MYO16: variants seen among roughly 807,000 people sequenced by gnomAD.
The protein encoded by MYO16 is unconventional myosin-XVI.
Under a neutral mutation model 205.3 loss-of-function variants are expected in MYO16, and 94 were observed. The ratio of observed to expected loss-of-function variants is 0.46; its 90% confidence interval spans 0.39 to 0.54. The LOEUF is 0.54. MYO16 is among the 20% of genes least tolerant of loss of function. The probability of loss-of-function intolerance (pLI) is 0.00; values close to 1 mark genes in which losing one functional copy is unlikely to be tolerated. For missense variants in MYO16, 2,315 were observed against 2,387.5 expected (o/e 0.97, Z 0.63); for synonymous variants, 988 against 954.0 (o/e 1.04, Z -0.66).
intron 16 of MYO16, among the ~76,000 whole-genome samples, chr13:108,933,567 A>G (rs1282016344): frequency 1.3e-5 from 2 of 152,006 alleles, no homozygotes; most frequent in African/African-American, 4.8e-5. Flanking sequence ...ACCCCAGGAA[A>G]TAGATCTTAC....
At chr13:108,863,644 A>G (rs970287709) in intron 11 of MYO16, among the ~76,000 whole-genome samples, 17 of 151,994 alleles carry the variant, frequency 1.1e-4, no homozygotes, top group African/African-American at 3.4e-4. Context: ...TCAGCCTGTA[A>G]TTTTCCTTTA....
chr13:108,901,949 G>C (rs569097214), intron 15 of MYO16, among the ~76,000 whole-genome samples: 4 of 152,174 alleles, frequency 2.6e-5, no homozygotes, highest in East Asian at 3.9e-4. Context: ...AGAAATAAAA[G>C]GAATATGTTC....
intron 1 of MYO16, among the ~76,000 whole-genome samples, chr13:108,664,263 T>C (rs1265011075): frequency 2.0e-5 from 3 of 152,234 alleles, no homozygotes; most frequent in South Asian, 2.1e-4. Context: ...GGCTTCTTTT[T>C]CTTCCTACAT....
At chr13:108,910,338 T>C (rs141367218) in intron 16 of MYO16, among the ~76,000 whole-genome samples, 188 bp downstream of exon 16, 10 of 151,784 alleles carry the variant, frequency 6.6e-5, no homozygotes, top group African/African-American at 2.4e-4. Context: ...TGAAGTTGTA[T>C]GTGTGTGAAC....
chr13:108,823,054 T>C (rs1249561579), intron 8 of MYO16, 71 bp from the exon 9 acceptor site: 4 of 1,377,944 alleles, frequency 2.9e-6, no homozygotes, highest in African/African-American at 2.9e-5. Flanking sequence ...ATCGGAATTA[T>C]TGAAAGTAAA....
the MYO16 span, among the ~76,000 whole-genome samples, chr13:108,534,508 G>A: frequency 6.6e-6 from 1 of 151,782 alleles, no homozygotes; most frequent in Non-Finnish European, 1.5e-5. Flanking sequence ...TTTCCTGAAT[G>A]TCCACACATA....
chr13:108,558,394 G>T, the MYO16 span, among the ~76,000 whole-genome samples: 1 of 152,162 alleles, frequency 6.6e-6, no homozygotes, highest in Admixed American at 6.5e-5. Flanking sequence ...TGCTTCCTTA[G>T]GTCTGCTTTG....
chr13:108,889,306 A>C (rs1331117425), intron 14 of MYO16, among the ~76,000 whole-genome samples: 1 of 152,222 alleles, frequency 6.6e-6, no homozygotes, highest in Non-Finnish European at 1.5e-5. Context: ...ATTCTAAAAT[A>C]TGACCGTGAT....
intron 12 of MYO16, among the ~76,000 whole-genome samples, chr13:108,871,436 T>G (rs1879058622): frequency 6.6e-6 from 1 of 151,752 alleles, no homozygotes; most frequent in Non-Finnish European, 1.5e-5. Context: ...TATTGAACTT[T>G]CCATATAAAA....
At chr13:108,650,676 C>A (rs1381869740) in intron 1 of MYO16, among the ~76,000 whole-genome samples, 1 of 152,128 alleles carries the variant, frequency 6.6e-6, no homozygotes. Flanking sequence ...GGCCAGGAAT[C>A]CAAGCTTGTC....
At chr13:108,563,522 C>G in the MYO16 span, among the ~76,000 whole-genome samples, 3 of 152,146 alleles carry the variant, frequency 2.0e-5, no homozygotes, top group Non-Finnish European at 4.4e-5. Flanking sequence ...AACCATTCTT[C>G]TAATTTCTAT....
intron 23 of MYO16, among the ~76,000 whole-genome samples, chr13:109,032,527 C>G (rs1056983089): frequency 6.6e-6 from 1 of 152,170 alleles, no homozygotes; most frequent in Non-Finnish European, 1.5e-5. Flanking sequence ...AAGGAAGAAA[C>G]CGTGGAAATG....
chr13:108,836,953 TAA>T (rs1876955909), intron 9 of MYO16, among the ~76,000 whole-genome samples: 1 of 152,170 alleles, frequency 6.6e-6, no homozygotes, highest in Non-Finnish European at 1.5e-5. Context: ...TGGAATGAGT[TAA>T]GACTTTGGGG....
intron 6 of MYO16, among the ~76,000 whole-genome samples, chr13:108,795,871 A>G (rs1886774077): frequency 1.3e-5 from 2 of 152,164 alleles, no homozygotes; most frequent in African/African-American, 4.8e-5. Flanking sequence ...TATTGTTGCC[A>G]TTTTGGATAG....
At chr13:108,685,176 C>T (rs890477434) in intron 2 of MYO16, among the ~76,000 whole-genome samples, 2 of 152,066 alleles carry the variant, frequency 1.3e-5, no homozygotes, top group African/African-American at 4.8e-5. Flanking sequence ...GCGCATGCCA[C>T]CATGCCCAGC....
chr13:108,756,532 ATAT>A (rs1885426918), intron 4 of MYO16, among the ~76,000 whole-genome samples: 1 of 152,108 alleles, frequency 6.6e-6, no homozygotes, highest in Non-Finnish European at 1.5e-5. Flanking sequence ...TTTCAAGATA[ATAT>A]TTTTCATTTA....
At chr13:108,719,869 C>T (rs944230632) in intron 3 of MYO16, among the ~76,000 whole-genome samples, 10 of 152,056 alleles carry the variant, frequency 6.6e-5, no homozygotes, top group African/African-American at 2.4e-4. Context: ...TATACCTTGC[C>T]AAGTACAGCT....
At chr13:108,995,703 C>T (rs1400779120) in intron 21 of MYO16, among the ~76,000 whole-genome samples, 1 of 151,998 alleles carries the variant, frequency 6.6e-6, no homozygotes, top group Non-Finnish European at 1.5e-5. Flanking sequence ...CGTTTTTTGT[C>T]CTTGCGATGG....
chr13:108,549,349 A>G, the MYO16 span, among the ~76,000 whole-genome samples: 1 of 152,136 alleles, frequency 6.6e-6, no homozygotes, highest in Non-Finnish European at 1.5e-5. Flanking sequence ...GAAGCTGGAA[A>G]AGGCTGGAGA....
Sources: gnomAD v4.1 joint callset for allele counts (sites outside exome capture counted in the v4.1 genomes callset) on GRCh38, gnomAD v4.1.1 for gene constraint, MANE v1.5 for transcripts, NCBI Gene and HGNC (gene_info 2026-07-23, HGNC 2026-07-21) for gene names.